FBXW11: variants seen among roughly 807,000 people sequenced by gnomAD.
FBXW11 encodes the protein F-box/WD repeat-containing protein 11.
Under a neutral mutation model 77.6 loss-of-function variants are expected in FBXW11, and 19 were observed. The ratio of observed to expected loss-of-function variants is 0.24; its 90% CI spans 0.17 to 0.36. The LOEUF is 0.36. Ranked by LOEUF, FBXW11 falls within the 10% of genes least tolerant of loss-of-function variation. The pLI is 1.00. For missense variants in FBXW11, 334 were observed against 704.2 expected, an observed-to-expected ratio of 0.47 and a Z score of 5.95; for synonymous variants, 235 against 249.4, an observed-to-expected ratio of 0.94 and a Z score of 0.54.
intron 11 of FBXW11, among the ~76,000 whole-genome samples, chr5:171,870,051 C>T (rs1005787982): frequency 3.3e-5 from 5 of 152,152 alleles, no homozygotes; most frequent in African/African-American, 1.2e-4. Flanking sequence ...AAGAAAACAA[C>T]TTCAGGTTAT....
chr5:171,963,291 G>T (rs1010620338), intron 1 of FBXW11, among the ~76,000 whole-genome samples: 1 of 152,088 alleles, frequency 6.6e-6, no homozygotes, highest in Non-Finnish European at 1.5e-5. Context: ...AGGGTAAGTA[G>T]GAGGCAGCCA....
chr5:171,868,484 GCAAAAGTTGA>G (rs1454084094), intron 13 of FBXW11, 116 bp downstream of exon 13: 24 of 702,834 alleles, frequency 3.4e-5, no homozygotes, highest in Non-Finnish European at 5.4e-5. Flanking sequence ...CTTGAACTCT[GCAAAAGTTGA>G]CACGTCTAAG....
At chr5:171,996,849 T>C (rs1255185003) in intron 1 of FBXW11, 2 of 1,214,446 alleles carry the variant, frequency 1.6e-6, no homozygotes, top group Non-Finnish European at 2.1e-6. Context: ...TTTCAGCGAG[T>C]TGAGTTCCAC....
At chr5:171,914,171 A>C (rs1761075848) in intron 3 of FBXW11, among the ~76,000 whole-genome samples, 172 bp downstream of exon 3, 1 of 152,228 alleles carries the variant, frequency 6.6e-6, no homozygotes, top group South Asian at 2.1e-4. Context: ...GCATATTTGT[A>C]ATGACAATTC....
At chr5:171,978,828 C>G (rs373364169) in intron 1 of FBXW11, among the ~76,000 whole-genome samples, 1 of 152,226 alleles carries the variant, frequency 6.6e-6, no homozygotes, top group East Asian at 1.9e-4. Context: ...CTAATTTTAA[C>G]ACTTCTCTTT....
In FBXW11 at chr5:171,876,892, G is replaced by C. The variant is rs895841069; in HGVS notation, c.972-358C>G. Among the ~76,000 whole-genome samples the C allele has an allele frequency of 6.6e-6, 1 of 152,178 alleles. No homozygotes were observed. Among genetic ancestry groups the C allele is most frequent in the Non-Finnish European group, 1.5e-5 (1 of 68,026 alleles). The stretch of plus-strand genomic sequence containing the variant: ...TCCCCTTTGCCTTCTGCCATGAGTA[G>C]AAGTAGCTCGAAGCCCTCATCAGAA... On this transcript the variant is annotated intron_variant, in intron 8 of 13. Transcript: ENST00000517395. The surrounding 1 kb of genome is among the most constrained non-coding windows in gnomAD (Gnocchi z 4.2).
chr5:171,930,762 T>A (rs199686039), intron 2 of FBXW11, among the ~76,000 whole-genome samples: 2,677 of 125,952 alleles, frequency 0.021, 31 homozygotes, highest in African/African-American at 0.04. Flanking sequence ...AATAAAAAAA[T>A]AAAAAAAAAA....
At chr5:171,883,885 T>C (rs1758699285) in intron 7 of FBXW11, among the ~76,000 whole-genome samples, 1 of 152,180 alleles carries the variant, frequency 6.6e-6, no homozygotes, top group South Asian at 2.1e-4. Context: ...TTTGAGTTCA[T>C]TGTGTTTGTT....
At chr5:171,866,455 A>G (rs757557505) in intron 13 of FBXW11, among the ~76,000 whole-genome samples, 1 of 152,180 alleles carries the variant, frequency 6.6e-6, no homozygotes, top group Non-Finnish European at 1.5e-5. Context: ...ACAACTAGGC[A>G]GTTGTTCTGA....
At chr5:171,873,861 C>T (rs991077015) in intron 9 of FBXW11, among the ~76,000 whole-genome samples, 6 of 152,170 alleles carry the variant, frequency 3.9e-5, no homozygotes, top group African/African-American at 1.4e-4. Flanking sequence ...AATTATCTTA[C>T]CAGCTGCATT....
At chr5:171,935,331 A>G (rs1762417928) in intron 2 of FBXW11, among the ~76,000 whole-genome samples, 1 of 152,208 alleles carries the variant, frequency 6.6e-6, no homozygotes, top group South Asian at 2.1e-4. Context: ...CTCTGTGACT[A>G]TACTAAAAAT....
intron 1 of FBXW11, among the ~76,000 whole-genome samples, chr5:171,972,480 A>G (rs993069745): frequency 1.4e-5 from 2 of 142,952 alleles, no homozygotes; most frequent in Admixed American, 6.9e-5. Flanking sequence ...CACCCTGGGC[A>G]ACAGAGTGAG....
chr5:171,946,875 CG>C (rs1244232786), intron 2 of FBXW11, among the ~76,000 whole-genome samples: 1 of 125,554 alleles, frequency 8.0e-6, no homozygotes, highest in Non-Finnish European at 1.6e-5. Context: ...AGTGCAGTGG[CG>C]GGATCTCGGC....
At position 171,910,568 on chromosome 5, in the gene FBXW11, T is replaced by C. The variant is rs375235976; in HGVS notation, c.436+4A>G. 6.2e-7 allele frequency: 1 copy of C among 1,609,586 alleles called. No homozygotes were observed. Among genetic ancestry groups the C allele is most frequent in the African/African-American group, 1.3e-5 (1 of 74,818 alleles). On this transcript the variant is annotated splice_donor_region_variant and intron_variant, in intron 4 of 13. Coordinates refer to ENST00000517395, the MANE Select transcript of FBXW11 (RefSeq NM_001378974.1). ...TCAGCTTTTGAAAAGACAAGTACAG[T>C]TACCTGGTAAAGCGGTAATAAAGTC...
chr5:171,906,164 T>C (rs1760503411), intron 4 of FBXW11, among the ~76,000 whole-genome samples: 1 of 152,210 alleles, frequency 6.6e-6, no homozygotes, highest in Non-Finnish European at 1.5e-5. Flanking sequence ...CAGAAACTTT[T>C]ATTATTTTAG....
intron 5 of FBXW11, among the ~76,000 whole-genome samples, chr5:171,899,558 C>T (rs1251435941): frequency 6.6e-6 from 1 of 152,134 alleles, no homozygotes. Context: ...CTTCCTCAAC[C>T]AGCAGTAATA....
At chr5:171,992,548 G>A (rs1765804596) in intron 1 of FBXW11, among the ~76,000 whole-genome samples, 1 of 151,804 alleles carries the variant, frequency 6.6e-6, no homozygotes, top group Non-Finnish European at 1.5e-5. Context: ...GAAAGGAAAG[G>A]AAAGGAAGAG....
At chr5:171,987,131 G>C (rs910307369) in intron 1 of FBXW11, among the ~76,000 whole-genome samples, 4 of 152,134 alleles carry the variant, frequency 2.6e-5, no homozygotes, top group African/African-American at 9.7e-5. Flanking sequence ...CCCCGTGCCT[G>C]GTCTGTGGAA....
intron 2 of FBXW11, among the ~76,000 whole-genome samples, chr5:171,924,798 G>A (rs2114003671): frequency 7.3e-6 from 1 of 136,884 alleles, no homozygotes; most frequent in African/African-American, 2.8e-5. Context: ...TAGTGCTGCA[G>A]AGAGGAGAGA....
Sources: allele counts gnomAD v4.1 joint callset (sites outside exome capture counted in the v4.1 genomes callset), GRCh38; gene constraint gnomAD v4.1.1; non-coding constraint Gnocchi (gnomAD v3.1); transcripts MANE v1.5; gene names NCBI Gene and HGNC (gene_info 2026-07-23, HGNC 2026-07-21).